The following CSNK2A2IP variants were observed in gnomAD, a reference collection of about 807,000 sequenced individuals.
The protein encoded by CSNK2A2IP is casein kinase II subunit alpha'-interacting protein.
At chr3:88,465,966 C>A in the CSNK2A2IP span, 1 of 1,231,532 alleles carries the variant, frequency 8.1e-7, no homozygotes, top group African/African-American at 1.6e-5. Context: ...CATCATCTTC[C>A]TTGGGACCCA....
the CSNK2A2IP span, among the ~76,000 whole-genome samples, chr3:88,448,652 C>T: frequency 4.6e-5 from 7 of 152,196 alleles, no homozygotes; most frequent in African/African-American, 1.7e-4. Flanking sequence ...ATTTCCCACT[C>T]CCTAACTCTT....
chr3:88,437,317 G>A, the CSNK2A2IP span, among the ~76,000 whole-genome samples: 1 of 152,070 alleles, frequency 6.6e-6, no homozygotes, highest in Non-Finnish European at 1.5e-5. Flanking sequence ...CTTACTGGAG[G>A]GCCATTAACA....
At chr3:88,436,145 A>G in the CSNK2A2IP span, among the ~76,000 whole-genome samples, 1 of 152,080 alleles carries the variant, frequency 6.6e-6, no homozygotes. Context: ...ATTCAAATTA[A>G]CAAGGTGAAA....
the CSNK2A2IP span, among the ~76,000 whole-genome samples, chr3:88,433,174 T>G: frequency 6.6e-6 from 1 of 152,164 alleles, no homozygotes; most frequent in East Asian, 1.9e-4. Context: ...TTTATAAATT[T>G]AGTGGTCACT....
chr3:88,376,165 A>G, the CSNK2A2IP span, among the ~76,000 whole-genome samples: 1 of 150,818 alleles, frequency 6.6e-6, no homozygotes, highest in East Asian at 1.9e-4. Flanking sequence ...TCTTTTCCCC[A>G]CTTTTCTATA....
the CSNK2A2IP span, among the ~76,000 whole-genome samples, chr3:88,374,288 G>A: frequency 4.0e-5 from 6 of 151,672 alleles, no homozygotes; most frequent in African/African-American, 1.4e-4. Context: ...CAGTAATGAA[G>A]AATTCTAGTT....
At chr3:88,464,233 C>A in the CSNK2A2IP span, among the ~76,000 whole-genome samples, 35 of 151,488 alleles carry the variant, frequency 2.3e-4, 1 homozygote. Context: ...TTAATGGGTG[C>A]AGCACACCAG....
the CSNK2A2IP span, among the ~76,000 whole-genome samples, chr3:88,463,944 C>T: frequency 2.6e-5 from 4 of 151,762 alleles, no homozygotes; most frequent in South Asian, 2.1e-4. Context: ...AAATGTGGCA[C>T]ATATACACCA....
the CSNK2A2IP span, among the ~76,000 whole-genome samples, chr3:88,364,895 G>A: frequency 6.6e-6 from 1 of 152,144 alleles, no homozygotes; most frequent in South Asian, 2.1e-4. Flanking sequence ...CATTTATTTA[G>A]CACCTACAAT....
chr3:88,373,750 G>T, the CSNK2A2IP span, among the ~76,000 whole-genome samples: 1 of 151,122 alleles, frequency 6.6e-6, no homozygotes, highest in African/African-American at 2.4e-5. Flanking sequence ...TAACTTGACA[G>T]AGCAAGCAAA....
the CSNK2A2IP span, among the ~76,000 whole-genome samples, chr3:88,459,382 G>A: frequency 2.0e-4 from 30 of 152,064 alleles, no homozygotes; most frequent in African/African-American, 5.5e-4. Flanking sequence ...TGACCCATAC[G>A]TATTTACTCA....
the CSNK2A2IP span, among the ~76,000 whole-genome samples, chr3:88,376,426 TCA>T: frequency 6.6e-6 from 1 of 151,706 alleles, no homozygotes; most frequent in African/African-American, 2.4e-5. Context: ...ATGGCTAATT[TCA>T]GTCTTTAACT....
chr3:88,453,671 C>T, the CSNK2A2IP span, among the ~76,000 whole-genome samples: 3 of 152,008 alleles, frequency 2.0e-5, no homozygotes, highest in Admixed American at 6.6e-5. Context: ...GAAAGTCTTA[C>T]TTTGAAACAT....
At chr3:88,365,594 T>A in the CSNK2A2IP span, among the ~76,000 whole-genome samples, 2 of 152,186 alleles carry the variant, frequency 1.3e-5, no homozygotes, top group Non-Finnish European at 2.9e-5. Flanking sequence ...TAAAGTAATC[T>A]GGGTCTTGGT....
the CSNK2A2IP span, among the ~76,000 whole-genome samples, chr3:88,375,903 C>T: frequency 2.0e-4 from 31 of 151,688 alleles, no homozygotes; most frequent in African/African-American, 6.8e-4. Context: ...AAATCAACCC[C>T]ATTTTGTGTC....
the CSNK2A2IP span, among the ~76,000 whole-genome samples, chr3:88,354,232 T>C: frequency 6.6e-6 from 1 of 152,188 alleles, no homozygotes; most frequent in Admixed American, 6.5e-5. Context: ...CCTTAGGTAT[T>C]CTTTTATGGC....
chr3:88,436,697 T>G, the CSNK2A2IP span, among the ~76,000 whole-genome samples: 1 of 152,282 alleles, frequency 6.6e-6, no homozygotes, highest in African/African-American at 2.4e-5. Flanking sequence ...TATCTGATTA[T>G]TCAGGAAGGA....
At chr3:88,384,931 CAT>C in the CSNK2A2IP span, among the ~76,000 whole-genome samples, 1 of 152,072 alleles carries the variant, frequency 6.6e-6, no homozygotes, top group South Asian at 2.1e-4. Context: ...ATTGGGGAGA[CAT>C]GAGAAGAGGG....
chr3:88,467,468 C>A, the CSNK2A2IP span: 1 of 398,586 alleles, frequency 2.5e-6, no homozygotes, highest in Non-Finnish European at 4.4e-6. Context: ...CGAAGCCAAT[C>A]ATCATCTCTT....
Sources: gnomAD v4.1 joint callset for allele counts (sites outside exome capture counted in the v4.1 genomes callset) on GRCh38, gnomAD v4.1.1 for gene constraint, MANE v1.5 for transcripts, NCBI Gene and HGNC (gene_info 2026-07-23, HGNC 2026-07-21) for gene names.